ALMS1: variants seen among roughly 807,000 people sequenced by gnomAD.
ALMS1 encodes ALMS1 centrosome and basal body associated protein.
ALMS1 carries 271 observed loss-of-function variants against 352.2 expected under a neutral mutation model. The ratio of observed to expected loss-of-function variants is 0.77; its 90% CI spans 0.70 to 0.85. The LOEUF is 0.85. ALMS1 is among the 40% of genes least tolerant of loss of function. The pLI is 0.00. For missense variants in ALMS1, 5,445 were observed against 4,870.7 expected, an observed-to-expected ratio of 1.12 and a Z score of -3.51; for synonymous variants, 1,865 against 1,761.2, an observed-to-expected ratio of 1.06 and a Z score of -1.48.
At chr2:73,600,920 G>C in intron 18 of ALMS1, 39 bp downstream of exon 18, 1 of 1,595,288 alleles carries the variant, frequency 6.3e-7, no homozygotes, top group Non-Finnish European at 8.6e-7. Context: ...AGAGAAACTA[G>C]TGAATTTCAA....
At chr2:73,487,241 A>G (rs528767346) in intron 9 of ALMS1, among the ~76,000 whole-genome samples, 1 of 152,292 alleles carries the variant, frequency 6.6e-6, no homozygotes, top group African/African-American at 2.4e-5. Flanking sequence ...CCTGCCAAGC[A>G]TGAGCCAGGT....
At chr2:73,572,143 C>T (rs1674941716) in intron 15 of ALMS1, 119 bp from the exon 16 acceptor site, 8 of 866,122 alleles carry the variant, frequency 9.2e-6, no homozygotes, top group Admixed American at 6.0e-5. Flanking sequence ...TTTCTGATAC[C>T]TTATATAAAC....
chr2:73,576,144 A>G (rs1213952538), intron 16 of ALMS1, among the ~76,000 whole-genome samples: 3 of 152,094 alleles, frequency 2.0e-5, no homozygotes, highest in African/African-American at 7.2e-5. Context: ...GAGGGTTTTT[A>G]TCTGGGCTCT....
At chr2:73,397,092 G>C (rs118169031) in intron 1 of ALMS1, among the ~76,000 whole-genome samples, 1 of 152,132 alleles carries the variant, frequency 6.6e-6, no homozygotes, top group African/African-American at 2.4e-5. Flanking sequence ...AACATGCTAG[G>C]GGTTGTGGAG....
At chr2:73,571,222 A>G (rs1456463212) in intron 15 of ALMS1, among the ~76,000 whole-genome samples, 1 of 152,156 alleles carries the variant, frequency 6.6e-6, no homozygotes, top group East Asian at 1.9e-4. Flanking sequence ...CTTGCCAGTA[A>G]TCTATAGTGT....
chr2:73,447,714 TATA>T (rs1671834405), intron 7 of ALMS1, among the ~76,000 whole-genome samples: 1 of 152,196 alleles, frequency 6.6e-6, no homozygotes, highest in Non-Finnish European at 1.5e-5. Flanking sequence ...GTAAGATCCA[TATA>T]ATATTTCATC....
rs930257211 is a variant in ALMS1 at position 73,557,373 on chromosome 2, C to T, written c.10213+19C>T. 1.9e-6 allele frequency: 3 copies of T among 1,613,884 alleles called. No homozygotes were observed. Among genetic ancestry groups the T allele is most frequent in the Non-Finnish European group, 2.5e-6 (3 of 1,179,908 alleles). On this transcript the variant is annotated intron_variant, in intron 14 of 22. Coordinates refer to ENST00000613296, the MANE Select transcript of ALMS1 (RefSeq NM_001378454.1). ...ACTGCAGGTAGCTAAACTGGATTGT[C>T]TGCGTATTATTTTCTTCTGGTCTTC...
chr2:73,505,948 C>T (rs957684364), intron 10 of ALMS1, among the ~76,000 whole-genome samples: 1 of 151,972 alleles, frequency 6.6e-6, no homozygotes, highest in African/African-American at 2.4e-5. Context: ...GTCTTTAATC[C>T]ATCTTGAGTT....
chr2:73,424,191 A>G (rs1671334902), intron 4 of ALMS1, among the ~76,000 whole-genome samples: 1 of 152,196 alleles, frequency 6.6e-6, no homozygotes, highest in Non-Finnish European at 1.5e-5. Context: ...CTATTGTTTT[A>G]GGAGAAGTCT....
chr2:73,533,687 C>T (rs1673967968), intron 11 of ALMS1, among the ~76,000 whole-genome samples: 1 of 151,874 alleles, frequency 6.6e-6, no homozygotes, highest in African/African-American at 2.4e-5. Flanking sequence ...ACAGTTTCTA[C>T]CAATCATGAA....
At chr2:73,605,900 AAAG>A (rs1273872995) in intron 21 of ALMS1, among the ~76,000 whole-genome samples, 1 of 152,108 alleles carries the variant, frequency 6.6e-6, no homozygotes, top group Non-Finnish European at 1.5e-5. Context: ...GTGTAGTATC[AAAG>A]AAGATCAAGA....
At chr2:73,540,180 A>G (rs1558686635) in intron 12 of ALMS1, among the ~76,000 whole-genome samples, 1 of 152,276 alleles carries the variant, frequency 6.6e-6, no homozygotes, top group South Asian at 2.1e-4. Flanking sequence ...CTCTCAGCAG[A>G]AACTCCAATC....
rs558911896 is a variant in ALMS1, at chr2:73,462,106, G to A, written c.7674+6811G>A. ...TTCAGATTCAGGAAATACAGAGAAC[G>A]CCACAAAGATACTCCTCGAGAAGAG... On this transcript the variant is annotated intron_variant, in intron 9 of 22. Transcript: ENST00000613296. Among the ~76,000 whole-genome samples the A allele has an allele frequency of 7.2e-5, 11 of 151,894 alleles. No homozygotes were observed. In the South Asian group the frequency reaches 1.9e-3, roughly 26 times the overall value.
chr2:73,454,895 A>G (rs1459342999), intron 8 of ALMS1, among the ~76,000 whole-genome samples: 1 of 152,242 alleles, frequency 6.6e-6, no homozygotes, highest in African/African-American at 2.4e-5. Context: ...CATGATTAAA[A>G]GGAGGATTAA....
At chr2:73,584,424 T>G (rs1675264168) in intron 16 of ALMS1, among the ~76,000 whole-genome samples, 1 of 152,220 alleles carries the variant, frequency 6.6e-6, no homozygotes, top group South Asian at 2.1e-4. Context: ...TTAATTTCAA[T>G]CTGTTGTTTG....
At chr2:73,590,965 C>A (rs371963452) in intron 16 of ALMS1, among the ~76,000 whole-genome samples, 3 of 151,946 alleles carry the variant, frequency 2.0e-5, no homozygotes, top group Non-Finnish European at 4.4e-5. Flanking sequence ...CGTGAGCCAC[C>A]GCGCCCGGCC....
intron 10 of ALMS1, among the ~76,000 whole-genome samples, chr2:73,504,139 C>G (rs1305251100): frequency 2.0e-5 from 3 of 152,160 alleles, no homozygotes; most frequent in African/African-American, 7.2e-5. Flanking sequence ...GGTCCCCACT[C>G]AGCTTCCCCA....
At chr2:73,535,758 TA>T (rs1447236643) in intron 12 of ALMS1, among the ~76,000 whole-genome samples, 2 of 152,110 alleles carry the variant, frequency 1.3e-5, no homozygotes, top group African/African-American at 4.8e-5. Context: ...GGTGCAGAGT[TA>T]GTGTGGTGTA....
rs778269748 is a variant in ALMS1 at position 73,424,457 on chromosome 2, T to C, written c.792T>C (p.Thr264=). The C allele has an allele frequency of 1.3e-6, 2 of 1,597,894 alleles. No homozygotes were observed. Among genetic ancestry groups the C allele is most frequent in the Non-Finnish European group, 1.7e-6 (2 of 1,174,296 alleles). Residue 264 remains threonine (T), a synonymous_variant, in exon 5 of 23, where the codon ACT becomes ACC. Transcript: ENST00000613296. The part of the protein sequence containing the change: ...LRGIPDKSED[T]EWSSRPSEVS... ...GAATTCCTGATAAGTCTGAAGATACTGAATGGTCTTCTCGACCATCGGAAG... is the reference window on the plus strand; with the variant it reads ...GAATTCCTGATAAGTCTGAAGATACCGAATGGTCTTCTCGACCATCGGAAG...
Sources: gnomAD v4.1 joint callset for allele counts (sites outside exome capture counted in the v4.1 genomes callset) on GRCh38, gnomAD v4.1.1 for gene constraint, MANE v1.5 for transcripts, NCBI Gene and HGNC (gene_info 2026-07-23, HGNC 2026-07-21) for gene names.